NR6A1: variants seen among roughly 807,000 people sequenced by gnomAD.
The protein encoded by NR6A1 is nuclear receptor subfamily 6 group A member 1.
Under a neutral mutation model 59.1 loss-of-function variants are expected in NR6A1, and 7 were observed. The ratio of observed to expected loss-of-function variants is 0.12; its 90% CI spans 0.07 to 0.22. The LOEUF (loss-of-function observed/expected upper bound fraction) is 0.22. Among genes scored for constraint, NR6A1 ranks in the 10% least tolerant of loss-of-function variants. The pLI is 1.00. For missense variants in NR6A1, 468 were observed against 611.6 expected, an observed-to-expected ratio of 0.77 and a Z score of 2.48; for synonymous variants, 243 against 236.1, an observed-to-expected ratio of 1.03 and a Z score of -0.27.
chr9:124,590,807 G>C (rs1835095787), intron 2 of NR6A1, among the ~76,000 whole-genome samples: 2 of 152,114 alleles, frequency 1.3e-5, no homozygotes, highest in African/African-American at 2.4e-5. Flanking sequence ...AACTGTCTTG[G>C]CATCTATTTA....
chr9:124,696,591 C>T (rs1320367559), intron 2 of NR6A1, among the ~76,000 whole-genome samples: 1 of 132,616 alleles, frequency 7.5e-6, no homozygotes, highest in Non-Finnish European at 1.5e-5. Flanking sequence ...GGTGTGATCT[C>T]GGCTCACTGC....
intron 2 of NR6A1, among the ~76,000 whole-genome samples, chr9:124,616,345 G>C (rs1835889046): frequency 6.7e-6 from 1 of 148,954 alleles, no homozygotes; most frequent in South Asian, 2.1e-4. Flanking sequence ...GGAGATTGCA[G>C]TGAGCCAAGA....
At chr9:124,620,759 C>T (rs1205571413) in intron 2 of NR6A1, among the ~76,000 whole-genome samples, 2 of 151,434 alleles carry the variant, frequency 1.3e-5, no homozygotes, top group South Asian at 2.1e-4. Flanking sequence ...TACCAAACAT[C>T]GCTCAACTGT....
intron 2 of NR6A1, among the ~76,000 whole-genome samples, chr9:124,556,859 T>C (rs1314230468): frequency 1.4e-5 from 2 of 147,540 alleles, no homozygotes; most frequent in Non-Finnish European, 2.9e-5. Flanking sequence ...CACAGGAAAC[T>C]AATATACCTT....
At chr9:124,663,799 T>C (rs1453657131) in intron 2 of NR6A1, among the ~76,000 whole-genome samples, 1 of 152,114 alleles carries the variant, frequency 6.6e-6, no homozygotes, top group Admixed American at 6.5e-5. Context: ...AACATAAATA[T>C]TGAATGAACT....
chr9:124,569,693 T>C (rs1332026721), intron 2 of NR6A1, among the ~76,000 whole-genome samples: 1 of 152,234 alleles, frequency 6.6e-6, no homozygotes. Context: ...CCTCAGGCTG[T>C]ACAGCAGAAT....
intron 1 of NR6A1, among the ~76,000 whole-genome samples, chr9:124,750,894 A>G (rs1588853446): frequency 6.6e-6 from 1 of 152,200 alleles, no homozygotes; most frequent in East Asian, 1.9e-4. Context: ...TAATTCTTGC[A>G]TCTACCATTA....
rs780496208 is a variant in NR6A1 at position 124,554,420 on chromosome 9, C to T, written c.293G>A (p.Arg98His). Residue 98 changes from arginine (R) to histidine (H), a missense_variant, in exon 3 of 10, where the codon CGT (arginine) becomes CAT (histidine). Around this residue, in one of 4 missense-constraint regions of NR6A1, gnomAD observed 66 missense variants for 139.2 expected, o/e 0.47. Coordinates refer to ENST00000487099, the MANE Select transcript of NR6A1 (RefSeq NM_033334.4). ...ICNKRVYRCS[R>H]DKNCVMSRKQ... is the part of the protein sequence containing the mutation. ...CCGAGACATGACACAGTTCTTGTCA[C>T]GACTGCATCGATATACCCGTTTGTT... 19 of 1,614,146 alleles carry T rather than the reference C, an allele frequency of 1.2e-5. No homozygotes were observed. Among genetic ancestry groups the T allele is most frequent in the Non-Finnish European group, 1.5e-5 (18 of 1,180,030 alleles).
At chr9:124,660,997 G>C (rs1429402453) in intron 2 of NR6A1, among the ~76,000 whole-genome samples, 2 of 152,020 alleles carry the variant, frequency 1.3e-5, no homozygotes, top group Non-Finnish European at 2.9e-5. Flanking sequence ...CAAAACTCGA[G>C]GGACATTAAT....
chr9:124,701,008 G>A (rs759512807), intron 2 of NR6A1, among the ~76,000 whole-genome samples: 122 of 152,074 alleles, frequency 8.0e-4, no homozygotes, highest in Admixed American at 2.9e-3. Context: ...TGACCCACCC[G>A]CCTTGGCCTC....
intron 5 of NR6A1, among the ~76,000 whole-genome samples, chr9:124,539,399 C>T (rs974591949): frequency 4.6e-5 from 7 of 152,284 alleles, no homozygotes; most frequent in Middle Eastern, 3.4e-3. Context: ...AGCTGAGATC[C>T]AAACCATTAG....
chr9:124,755,444 A>G (rs918694085), intron 1 of NR6A1, among the ~76,000 whole-genome samples: 3 of 152,186 alleles, frequency 2.0e-5, no homozygotes, highest in African/African-American at 7.2e-5. Flanking sequence ...AAAAACTAAA[A>G]TAATCCTAAA....
At chr9:124,698,761 A>G (rs1838846272) in intron 2 of NR6A1, 1 of 152,194 alleles carries the variant, frequency 6.6e-6, no homozygotes, top group South Asian at 2.1e-4. Flanking sequence ...TGTCCCACAC[A>G]TTGCAGTTTC....
intron 1 of NR6A1, among the ~76,000 whole-genome samples, chr9:124,759,310 T>C (rs1379569380): frequency 2.6e-5 from 4 of 152,350 alleles, no homozygotes; most frequent in African/African-American, 9.6e-5. Flanking sequence ...CACTAGTTTA[T>C]TGGCCATCTC....
At chr9:124,733,038 G>A (rs528090573) in intron 2 of NR6A1, among the ~76,000 whole-genome samples, 5 of 152,150 alleles carry the variant, frequency 3.3e-5, no homozygotes, top group Non-Finnish European at 7.3e-5. Context: ...ATGGAAGGAT[G>A]GAGAACAAAG....
chr9:124,565,523 C>T (rs1306933035), intron 2 of NR6A1, among the ~76,000 whole-genome samples: 1 of 151,646 alleles, frequency 6.6e-6, no homozygotes, highest in East Asian at 1.9e-4. Context: ...ATTAAAGTAA[C>T]AAAATTTAAT....
At chr9:124,770,631 G>C (rs1210450875) in intron 1 of NR6A1, among the ~76,000 whole-genome samples, 1 of 147,700 alleles carries the variant, frequency 6.8e-6, no homozygotes, top group African/African-American at 2.5e-5. Flanking sequence ...GAGGAGCCCG[G>C]GGGGAGGGGA....
intron 2 of NR6A1, among the ~76,000 whole-genome samples, chr9:124,581,309 C>T (rs1184799350): frequency 6.6e-6 from 1 of 152,130 alleles, no homozygotes; most frequent in African/African-American, 2.4e-5. Flanking sequence ...AAACTATCAT[C>T]AGAGGCCGGG....
intron 2 of NR6A1, among the ~76,000 whole-genome samples, chr9:124,697,985 T>A (rs1431927725): frequency 6.6e-6 from 1 of 152,214 alleles, no homozygotes; most frequent in Non-Finnish European, 1.5e-5. Context: ...TGTATGTGCA[T>A]GTGTTGTGTG....
Sources: allele counts gnomAD v4.1 joint callset (sites outside exome capture counted in the v4.1 genomes callset), GRCh38; gene constraint gnomAD v4.1.1; regional missense constraint gnomAD v4.1.1; transcripts MANE v1.5; gene names NCBI Gene and HGNC (gene_info 2026-07-23, HGNC 2026-07-21).